ASAP1: variants seen among roughly 807,000 people sequenced by gnomAD.
ASAP1 encodes arf-GAP with SH3 domain, ANK repeat and PH domain-containing protein 1.
In ASAP1, 43 loss-of-function variants were observed where a neutral mutation model predicts 145.2. That is an observed-to-expected ratio of 0.30 (90% CI 0.23 to 0.38). The LOEUF is 0.38. Among genes scored for constraint, ASAP1 ranks in the 10% least tolerant of loss-of-function variants. The pLI is 1.00. For synonymous variants in ASAP1, 546 were observed against 515.5 expected (o/e 1.06, Z -0.80); for missense variants, 1,018 against 1,355.3 (o/e 0.75, Z 3.91).
At chr8:130,322,096 TTTG>T (rs1278211329) in intron 3 of ASAP1, among the ~76,000 whole-genome samples, 1 of 152,202 alleles carries the variant, frequency 6.6e-6, no homozygotes, top group Non-Finnish European at 1.5e-5. Flanking sequence ...CTAGAGATTT[TTTG>T]TTAAGAAAAA....
intron 13 of ASAP1, among the ~76,000 whole-genome samples, chr8:130,138,828 C>T (rs1211454323): frequency 7.0e-6 from 1 of 142,210 alleles, no homozygotes; most frequent in Non-Finnish European, 1.5e-5. Context: ...AAGAGTGAAA[C>T]TCCGTCTCAA....
intron 27 of ASAP1, among the ~76,000 whole-genome samples, chr8:130,063,693 G>T (rs1302586687): frequency 6.6e-6 from 1 of 152,288 alleles, no homozygotes; most frequent in Admixed American, 6.5e-5. Flanking sequence ...GGAGGCCGTG[G>T]AGCCTCCCAC....
At chr8:130,100,416 G>A (rs1212984753) in intron 24 of ASAP1, among the ~76,000 whole-genome samples, 2 of 151,714 alleles carry the variant, frequency 1.3e-5, no homozygotes, top group African/African-American at 2.4e-5. Flanking sequence ...TGCAACCTCC[G>A]CCTCCCAGGT....
At chr8:130,438,864 C>T (rs1442041301) in intron 1 of ASAP1, among the ~76,000 whole-genome samples, 3 of 152,160 alleles carry the variant, frequency 2.0e-5, no homozygotes, top group Non-Finnish European at 4.4e-5. Context: ...CCCTCTCTTC[C>T]CCATGGGTTA....
intron 2 of ASAP1, among the ~76,000 whole-genome samples, chr8:130,374,691 T>C (rs930313737): frequency 6.6e-6 from 1 of 152,208 alleles, no homozygotes; most frequent in African/African-American, 2.4e-5. Flanking sequence ...AGCACAGATG[T>C]TAAAGTTGCG....
chr8:130,323,894 TA>T (rs970445908), intron 3 of ASAP1, among the ~76,000 whole-genome samples: 3 of 152,106 alleles, frequency 2.0e-5, no homozygotes, highest in African/African-American at 7.2e-5. Flanking sequence ...TATCTGTAAA[TA>T]AATACCCAGA....
At chr8:130,279,301 T>C (rs540327775) in intron 3 of ASAP1, among the ~76,000 whole-genome samples, 1 of 152,304 alleles carries the variant, frequency 6.6e-6, no homozygotes, top group Non-Finnish European at 1.5e-5. Context: ...CTAGGGGTTC[T>C]GAAGTCACCC....
chr8:130,305,376 T>C (rs1424460286), intron 3 of ASAP1, among the ~76,000 whole-genome samples: 1 of 152,216 alleles, frequency 6.6e-6, no homozygotes, highest in Non-Finnish European at 1.5e-5. Flanking sequence ...GAACGGACTC[T>C]TGCTCTGTTG....
intron 1 of ASAP1, among the ~76,000 whole-genome samples, chr8:130,417,065 C>T (rs997717588): frequency 6.6e-6 from 1 of 150,966 alleles, no homozygotes; most frequent in Non-Finnish European, 1.5e-5. Flanking sequence ...TACACACATA[C>T]ACACATGCAA....
At chr8:130,085,529 GT>G (rs2097490691) in intron 25 of ASAP1, among the ~76,000 whole-genome samples, 1 of 152,116 alleles carries the variant, frequency 6.6e-6, no homozygotes, top group South Asian at 2.1e-4. Context: ...GAGCCCAGGA[GT>G]TCGAGACCAG....
chr8:130,097,698 C>T (rs1334678713), intron 24 of ASAP1, among the ~76,000 whole-genome samples: 2 of 152,318 alleles, frequency 1.3e-5, no homozygotes, highest in Non-Finnish European at 1.5e-5. Context: ...CAGGCCAAAG[C>T]TCTTGTCCCA....
At chr8:130,199,101 T>C (rs370511153) in intron 5 of ASAP1, among the ~76,000 whole-genome samples, 2 of 152,210 alleles carry the variant, frequency 1.3e-5, no homozygotes, top group South Asian at 2.1e-4. Context: ...CCCTTCTCCC[T>C]AACCTCCTGT....
At position 130,164,543 on chromosome 8, in the gene ASAP1, T is replaced by C. The variant is rs1586487741; in HGVS notation, c.909+2993A>G. On this transcript the variant is annotated intron_variant, in intron 11 of 29. Coordinates refer to ENST00000518721, the MANE Select transcript of ASAP1 (RefSeq NM_018482.4). The stretch of plus-strand genomic sequence containing the variant: ...GAGGCAGAGGCTGCAGTGAGCGAGA[T>C]TTGTACCACTGCACTCCAGTCTGGG... 2.0e-5 allele frequency among the ~76,000 whole-genome samples: 3 copies of C among 152,234 alleles called. No individual in the cohort carries two copies. The South Asian group carries it at 6.2e-4, about 32-fold the overall frequency.
intron 3 of ASAP1, among the ~76,000 whole-genome samples, chr8:130,244,934 G>C (rs934331334): frequency 7.2e-5 from 11 of 152,144 alleles, no homozygotes; most frequent in Admixed American, 7.2e-4. Context: ...GAGAGAAGCA[G>C]AACAGAAATA....
At position 130,127,373 on chromosome 8, in the gene ASAP1, C is replaced by T. The variant is rs192326782; in HGVS notation, c.1381+554G>A. ...CTGGGATTACAGGTGCCCGCCACCT[C>T]GCCCAGCTAGTTTTTGTATTTTTAA... On this transcript the variant is annotated intron_variant, in intron 16 of 29. Coordinates refer to ENST00000518721, the MANE Select transcript of ASAP1 (RefSeq NM_018482.4). Among the ~76,000 whole-genome samples, 500 of 152,226 alleles carry T rather than the reference C, an allele frequency of 3.3e-3. 2 individuals are homozygous for T. The highest frequency in any genetic ancestry group is 5.5e-3 in the Non-Finnish European group (375 of 67,998).
At chr8:130,318,615 A>G (rs749197803) in intron 3 of ASAP1, among the ~76,000 whole-genome samples, 105 of 152,332 alleles carry the variant, frequency 6.9e-4, no homozygotes, top group Non-Finnish European at 1.0e-3. Context: ...AGCTCTCTGC[A>G]TTTTTAACAG....
intron 2 of ASAP1, among the ~76,000 whole-genome samples, chr8:130,378,070 C>T (rs1234296329): frequency 6.6e-6 from 1 of 152,206 alleles, no homozygotes; most frequent in Non-Finnish European, 1.5e-5. Flanking sequence ...GGTAAAAGAG[C>T]TCTGGAATCT....
chr8:130,250,942 C>A (rs561111691), intron 3 of ASAP1, among the ~76,000 whole-genome samples: 2 of 152,244 alleles, frequency 1.3e-5, no homozygotes, highest in African/African-American at 4.8e-5. Flanking sequence ...ACTGAATGCA[C>A]GTCAGGCTAT....
intron 1 of ASAP1, among the ~76,000 whole-genome samples, chr8:130,415,150 T>A (rs1049266053): frequency 6.6e-6 from 1 of 152,094 alleles, no homozygotes; most frequent in Non-Finnish European, 1.5e-5. Context: ...TAAAAACAAA[T>A]AAGGGAAGCA....
Sources: gnomAD v4.1 joint callset for allele counts (sites outside exome capture counted in the v4.1 genomes callset) on GRCh38, gnomAD v4.1.1 for gene constraint, MANE v1.5 for transcripts, NCBI Gene and HGNC (gene_info 2026-07-23, HGNC 2026-07-21) for gene names.